The following ELMO1 variants were observed in gnomAD, a reference collection of about 807,000 sequenced individuals.
ELMO1 encodes the protein engulfment and cell motility protein 1.
ELMO1 carries 26 observed loss-of-function variants against 98.9 expected under a neutral mutation model. The observed-to-expected ratio is 0.26, with a 90% CI of 0.19 to 0.36. ELMO1 has a LOEUF of 0.36. Ranked by LOEUF, ELMO1 falls within the 10% of genes least tolerant of loss-of-function variation. The pLI is 1.00. For missense variants in ELMO1, 627 were observed against 935.2 expected (o/e 0.67, Z 4.30); for synonymous variants, 346 against 346.0 (o/e 1.00, Z 0.00).
chr7:37,312,444 T>C (rs1798937981), intron 4 of ELMO1, among the ~76,000 whole-genome samples: 1 of 152,192 alleles, frequency 6.6e-6, no homozygotes, highest in Admixed American at 6.5e-5. Flanking sequence ...TAATGTCCTG[T>C]ACACATGGGT....
chr7:37,169,238 T>C (rs1477956261), intron 13 of ELMO1, among the ~76,000 whole-genome samples: 1 of 152,200 alleles, frequency 6.6e-6, no homozygotes, highest in African/African-American at 2.4e-5. Context: ...CCAGGTGCCG[T>C]CTGTCACCCC....
intron 1 of ELMO1, among the ~76,000 whole-genome samples, chr7:37,447,638 ACC>A (rs148859083): frequency 7.7e-6 from 1 of 130,232 alleles, no homozygotes; most frequent in African/African-American, 2.9e-5. Flanking sequence ...CACCCACAAC[ACC>A]CCCCCCACAC....
intron 16 of ELMO1, among the ~76,000 whole-genome samples, chr7:37,000,456 G>A (rs574143655): frequency 7.2e-5 from 11 of 152,314 alleles, no homozygotes; most frequent in African/African-American, 2.6e-4. Flanking sequence ...GGAGCTGATT[G>A]CCTCCAGCAC....
chr7:37,169,599 A>C (rs1404957666), intron 13 of ELMO1, among the ~76,000 whole-genome samples: 2 of 152,188 alleles, frequency 1.3e-5, no homozygotes, highest in Admixed American at 1.3e-4. Context: ...AACGAAGGGG[A>C]TAATCACGCT....
intron 16 of ELMO1, among the ~76,000 whole-genome samples, chr7:36,954,924 G>T (rs1244304792): frequency 6.6e-6 from 1 of 152,190 alleles, no homozygotes; most frequent in Non-Finnish European, 1.5e-5. Context: ...ACATGTTCCT[G>T]TATCCCAAAA....
chr7:37,092,900 ACTGT>A (rs1278551451), intron 15 of ELMO1, among the ~76,000 whole-genome samples: 15 of 149,936 alleles, frequency 1.0e-4, no homozygotes, highest in Admixed American at 4.6e-4. Context: ...CTCTGTCTAC[ACTGT>A]CTTTCTTTTT....
intron 20 of ELMO1, among the ~76,000 whole-genome samples, chr7:36,866,001 A>G (rs1297150930): frequency 6.6e-6 from 1 of 152,224 alleles, no homozygotes; most frequent in Non-Finnish European, 1.5e-5. Flanking sequence ...TAAGCATCAC[A>G]CTGGAAAAAC....
chr7:37,202,021 G>A (rs1792327366), intron 13 of ELMO1, among the ~76,000 whole-genome samples: 1 of 152,348 alleles, frequency 6.6e-6, no homozygotes, highest in South Asian at 2.1e-4. Flanking sequence ...TCCTTCAGGT[G>A]AAAGGGGCTG....
At chr7:37,287,423 C>T (rs1223560057) in intron 4 of ELMO1, among the ~76,000 whole-genome samples, 1 of 151,848 alleles carries the variant, frequency 6.6e-6, no homozygotes, top group Non-Finnish European at 1.5e-5. Flanking sequence ...GTTGCTGACC[C>T]CTGTATTAAA....
intron 1 of ELMO1, among the ~76,000 whole-genome samples, chr7:37,376,461 C>T (rs1802349859): frequency 6.6e-6 from 1 of 152,194 alleles, no homozygotes; most frequent in African/African-American, 2.4e-5. Context: ...TAGATAACAT[C>T]ACGATTGTAA....
At chr7:37,379,142 C>T (rs920249313) in intron 1 of ELMO1, among the ~76,000 whole-genome samples, 11 of 152,012 alleles carry the variant, frequency 7.2e-5, no homozygotes, top group Admixed American at 4.6e-4. Context: ...CGGGTTCATG[C>T]CATTCTCTTG....
At chr7:37,407,288 T>C (rs1480213834) in intron 1 of ELMO1, among the ~76,000 whole-genome samples, 1 of 151,998 alleles carries the variant, frequency 6.6e-6, no homozygotes, top group Non-Finnish European at 1.5e-5. Flanking sequence ...GGTGGGCAGA[T>C]CACGAGGTCA....
At chr7:36,899,869 G>T (rs541391253) in intron 16 of ELMO1, among the ~76,000 whole-genome samples, 2 of 151,162 alleles carry the variant, frequency 1.3e-5, no homozygotes, top group Non-Finnish European at 1.5e-5. Flanking sequence ...AAATTCACAG[G>T]GTTGTAAAAT....
chr7:36,895,961 C>G (rs1042732694), intron 16 of ELMO1, among the ~76,000 whole-genome samples: 3 of 152,186 alleles, frequency 2.0e-5, no homozygotes, highest in African/African-American at 2.4e-5. Flanking sequence ...TATGAAGAAA[C>G]TGAGGCTTTG....
intron 16 of ELMO1, among the ~76,000 whole-genome samples, chr7:36,921,511 T>C (rs1189204023): frequency 1.3e-5 from 2 of 152,204 alleles, no homozygotes; most frequent in Non-Finnish European, 2.9e-5. Context: ...TCTTATTATG[T>C]TGATGTTATT....
At chr7:37,182,355 CTT>C (rs1387141203) in intron 13 of ELMO1, among the ~76,000 whole-genome samples, 1 of 151,864 alleles carries the variant, frequency 6.6e-6, no homozygotes, top group African/African-American at 2.4e-5. Context: ...TAAATGTGCT[CTT>C]GAGGCAGGGA....
intron 13 of ELMO1, among the ~76,000 whole-genome samples, chr7:37,199,870 G>A (rs150932208): frequency 6.6e-6 from 1 of 152,298 alleles, no homozygotes; most frequent in East Asian, 1.9e-4. Context: ...TAGGAAGTAT[G>A]ATGATGCTAC....
chr7:37,108,682 C>T (rs1297760884), intron 14 of ELMO1, among the ~76,000 whole-genome samples: 2 of 152,212 alleles, frequency 1.3e-5, no homozygotes, highest in Non-Finnish European at 2.9e-5. Context: ...ATAGAGTCAA[C>T]CCCTTGAGGT....
intron 20 of ELMO1, among the ~76,000 whole-genome samples, chr7:36,867,601 T>C (rs989797891): frequency 6.6e-6 from 1 of 152,164 alleles, no homozygotes; most frequent in Non-Finnish European, 1.5e-5. Flanking sequence ...GGAAGCTTTA[T>C]TGATTTTCGT....
Sources: allele counts gnomAD v4.1 joint callset (sites outside exome capture counted in the v4.1 genomes callset), GRCh38; gene constraint gnomAD v4.1.1; transcripts MANE v1.5; gene names NCBI Gene and HGNC (gene_info 2026-07-23, HGNC 2026-07-21).